Variants in SERTAD2 observed in about 807,000 individuals in gnomAD.
SERTAD2 encodes the protein SERTA domain containing 2.
Under a neutral mutation model 15.4 loss-of-function variants are expected in SERTAD2, and 2 were observed. The ratio of observed to expected loss-of-function variants is 0.13; its 90% CI spans 0.05 to 0.41. The LOEUF is 0.41. SERTAD2 is among the 10% of genes least tolerant of loss of function. The pLI is 0.99. For synonymous variants in SERTAD2, 180 were observed against 178.0 expected, an observed-to-expected ratio of 1.01 and a Z score of -0.09; for missense variants, 333 against 409.7, an observed-to-expected ratio of 0.81 and a Z score of 1.62.
rs186823657 is a variant in SERTAD2, at chr2:64,636,247, C to T, written c.625G>A (p.Asp209Asn). Residue 209 changes from aspartate to asparagine, a missense_variant, in exon 2 of 2, where the codon GAC becomes AAC. This residue lies in a region of SERTAD2 where 332 missense variants were observed against 392.9 expected (regional missense o/e 0.84). Coordinates refer to ENST00000313349, the MANE Select transcript of SERTAD2 (RefSeq NM_014755.3). ...TSSEAGTQKL[D>N]GPQESRADDS... Reference sequence around the variant, plus strand: ...TCTGCGCGGCTCTCTTGAGGACCGTCGAGTTTCTGGGTGCCAGCCTCGCTG... The same window carrying T: ...TCTGCGCGGCTCTCTTGAGGACCGTTGAGTTTCTGGGTGCCAGCCTCGCTG... 42 of 1,614,164 alleles carry T rather than the reference C, an allele frequency of 2.6e-5. No individual in the cohort carries two copies. The highest frequency in any genetic ancestry group is 2.5e-4 in the African/African-American group (19 of 75,044).
At chr2:64,648,247 G>A (rs918274677) in intron 1 of SERTAD2, among the ~76,000 whole-genome samples, 4 of 152,168 alleles carry the variant, frequency 2.6e-5, no homozygotes, top group African/African-American at 7.2e-5. Context: ...TACATGTTCC[G>A]AATGTTTAAT....
intron 1 of SERTAD2, chr2:64,646,735 T>G (rs1356262916): frequency 6.6e-6 from 1 of 152,220 alleles, no homozygotes; most frequent in Non-Finnish European, 1.5e-5. Context: ...AAAGGTTGTT[T>G]CTCTGTATAT....
In SERTAD2 at chr2:64,632,237, T is replaced by C. The variant is rs1196534777; in HGVS notation, c.*3690A>G. 1.4e-5 allele frequency: 2 copies of C among 144,876 alleles called. No homozygotes were observed. Among genetic ancestry groups the C allele is most frequent in the Non-Finnish European group, 3.0e-5 (2 of 66,604 alleles). 9.0% of individuals were successfully genotyped at this position (144,876 alleles called of 1,614,324 possible). Reference sequence around the variant, plus strand: ...ATAGAGTAGCAATTGCTGCACGAAGTAGAGTCTTTTTTTTTTTTTTTTTTA... The same window carrying C: ...ATAGAGTAGCAATTGCTGCACGAAGCAGAGTCTTTTTTTTTTTTTTTTTTA... On this transcript the variant is annotated 3_prime_UTR_variant, in exon 2 of 2. Coordinates refer to ENST00000313349, the MANE Select transcript of SERTAD2 (RefSeq NM_014755.3).
Position 64,631,700 on chromosome 2 carries a change from A to G in SERTAD2, c.*4227T>C, listed in dbSNP as rs1014716305. 6.6e-6 allele frequency: 1 copy of G among 152,624 alleles called. No individual in the cohort carries two copies. 9.5% of individuals were successfully genotyped at this position (152,624 alleles called of 1,614,324 possible). On this transcript the variant is annotated 3_prime_UTR_variant, in exon 2 of 2. Transcript: ENST00000313349. Reference sequence around the variant, plus strand: ...TTTCCATGTACATTTAATCTGTCCAATTGTTTAGATTACAGCCCAAACCTA... The same window carrying G: ...TTTCCATGTACATTTAATCTGTCCAGTTGTTTAGATTACAGCCCAAACCTA...
chr2:64,645,108 T>G (rs1037382904), intron 1 of SERTAD2: 1 of 150,996 alleles, frequency 6.6e-6, no homozygotes, highest in Non-Finnish European at 1.5e-5. Context: ...TCCATGCTAA[T>G]TGGTAAGTAA....
In SERTAD2 at chr2:64,636,287, A is replaced by C. The variant is rs1674655739; in HGVS notation, c.585T>G (p.Ser195Arg). Residue 195 changes from serine to arginine, a missense_variant, in exon 2 of 2, where the codon AGT (serine) becomes AGG (arginine). By Grantham distance (110) the Ser-to-Arg change is moderately radical. This residue lies in a region of SERTAD2 where 332 missense variants were observed against 392.9 expected (regional missense o/e 0.84). Coordinates refer to ENST00000313349, the MANE Select transcript of SERTAD2 (RefSeq NM_014755.3). ...STEAATAATD[S>R]VKGTSSEAGT... ...CAGCCTCGCTGGAGGTCCCTTTCAC[A>C]CTGTCAGTCGCAGCCGTGGCCGCCT... 4 of 1,614,016 alleles carry C rather than the reference A, an allele frequency of 2.5e-6. No homozygotes were observed. The highest frequency in any genetic ancestry group is 3.4e-6 in the Non-Finnish European group (4 of 1,180,012).
chr2:64,643,869 AAAAACAAAAC>A (rs139300641), intron 1 of SERTAD2, among the ~76,000 whole-genome samples: 3 of 150,800 alleles, frequency 2.0e-5, no homozygotes, highest in Admixed American at 6.6e-5. Context: ...CCGTCTCCAA[AAAAACAAAAC>A]AAAACAAAAC....
Position 64,635,702 on chromosome 2 carries a change from G to A in SERTAD2, c.*225C>T. 2.0e-6 allele frequency: 1 copy of A among 491,518 alleles called. No homozygotes were observed. The highest frequency in any genetic ancestry group is 3.6e-6 in the Non-Finnish European group (1 of 275,318). The allele number at this position is 491,518 out of a possible 1,614,324, so 30.4% of individuals were successfully genotyped here. A position where few individuals can be genotyped will look rare whatever the true frequency, so the allele number is the denominator to read the frequency against. On this transcript the variant is annotated 3_prime_UTR_variant, in exon 2 of 2. Coordinates refer to ENST00000313349, the MANE Select transcript of SERTAD2 (RefSeq NM_014755.3). The stretch of plus-strand genomic sequence containing the variant: ...TCAAATGGATTCTTTCCTATACCAG[G>A]GTAGTAGGTCTCTGAGGAACCACTC...
intron 1 of SERTAD2, among the ~76,000 whole-genome samples, chr2:64,649,107 C>A (rs1416732254): frequency 6.6e-6 from 1 of 152,236 alleles, no homozygotes; most frequent in Admixed American, 6.5e-5. Context: ...CAGTTTAAAG[C>A]AGCTGCCAGC....
chr2:64,648,961 T>C (rs1042912299), intron 1 of SERTAD2, among the ~76,000 whole-genome samples: 3 of 152,178 alleles, frequency 2.0e-5, no homozygotes, highest in East Asian at 1.9e-4. Context: ...CTCAGGCAGA[T>C]TGGTTTTCTC....
chr2:64,633,983 C>T lies in SERTAD2; in HGVS notation c.*1944G>A, dbSNP rs1371769154. 6.6e-6 allele frequency: 1 copy of T among 152,630 alleles called. No individual in the cohort carries two copies. The highest frequency in any genetic ancestry group is 1.5e-5 in the Non-Finnish European group (1 of 68,036). The allele number at this position is 152,630 out of a possible 1,614,324, so 9.5% of individuals were successfully genotyped here. On this transcript the variant is annotated 3_prime_UTR_variant, in exon 2 of 2. Transcript: ENST00000313349. ...ATGTGCATTACAAAAATAAAACTAA[C>T]TATGGCTTGCTTAAAGTGCCATTTT...
At position 64,636,630 on chromosome 2, in the gene SERTAD2, C is replaced by T; in HGVS notation, c.242G>A (p.Ser81Asn). 2 of 1,613,526 alleles carry T rather than the reference C, an allele frequency of 1.2e-6. No individual in the cohort carries two copies. Among genetic ancestry groups the T allele is most frequent in the Middle Eastern group, 1.7e-4 (1 of 6,058 alleles). ...RIQEELKQEG[S>N]LRPMFTPSSQ... ...GGAGGGGGTGAACATGGGCCTCAGG[C>T]TGCCTTCCTGTTTGAGTTCCTCCTG... Residue 81 changes from serine (S) to asparagine (N), a missense_variant, in exon 2 of 2, where the codon AGC becomes AAC. Transcript: ENST00000313349.
In SERTAD2 at chr2:64,632,545, T is replaced by C. The variant is rs7451; in HGVS notation, c.*3382A>G. ...TGAACAAGGGTGCCCATGTGGTTGC[T>C]CCTTCTGTCATCCAGAGAAAGTGCT... On this transcript the variant is annotated 3_prime_UTR_variant, in exon 2 of 2. Transcript: ENST00000313349. 0.87 allele frequency: 132,037 copies of C among 152,576 alleles called. 57,305 individuals carry two copies. Among genetic ancestry groups the C allele is most frequent in the East Asian group, 0.97 (5,026 of 5,188 alleles). 9.5% of individuals were successfully genotyped at this position (152,576 alleles called of 1,614,324 possible).
chr2:64,637,472 C>T (rs1212031037), intron 1 of SERTAD2, among the ~76,000 whole-genome samples: 1 of 152,194 alleles, frequency 6.6e-6, no homozygotes. Flanking sequence ...TGTGGTGAAG[C>T]ACTGCACCTG....
chr2:64,650,210 G>T (rs191047178), intron 1 of SERTAD2, among the ~76,000 whole-genome samples: 4 of 152,238 alleles, frequency 2.6e-5, no homozygotes, highest in Admixed American at 2.6e-4. Flanking sequence ...TCTATATGTG[G>T]TGCTTGTTCA....
In SERTAD2 at chr2:64,632,895, CTTCAAA is replaced by C. The variant is rs56349338; in HGVS notation, c.*3026_*3031del. ...TAACTTATGGGGGGAAAAAAACTCA[CTTCAAA>C]TTCAAAGCTCTTACGATTCTGCTCT... is the stretch of plus-strand genomic sequence containing the variant. On this transcript the variant is annotated 3_prime_UTR_variant, in exon 2 of 2. Transcript: ENST00000313349. 39,348 of 152,172 alleles carry C rather than the reference CTTCAAA, an allele frequency of 0.26. 5,737 individuals carry two copies. Among genetic ancestry groups the C allele is most frequent in the East Asian group, 0.34 (1,763 of 5,120 alleles). The allele number at this position is 152,172 out of a possible 1,614,324, so 9.4% of individuals were successfully genotyped here. A position where few individuals can be genotyped will look rare whatever the true frequency, so the allele number is the denominator to read the frequency against.
chr2:64,632,026 T>C lies in SERTAD2; in HGVS notation c.*3901A>G, dbSNP rs1379502488. 1 of 152,646 alleles carries C rather than the reference T, an allele frequency of 6.6e-6. No individual in the cohort carries two copies. The highest frequency in any genetic ancestry group is 1.5e-5 in the Non-Finnish European group (1 of 68,046). The allele number at this position is 152,646 out of a possible 1,614,324, so 9.5% of individuals were successfully genotyped here. A position where few individuals can be genotyped will look rare whatever the true frequency, so the allele number is the denominator to read the frequency against. ...TTCAAGAACCATTCAGACTCATTCT[T>C]AGAAACACTGAAAACAATTGTACAT... On this transcript the variant is annotated 3_prime_UTR_variant, in exon 2 of 2. Coordinates refer to ENST00000313349, the MANE Select transcript of SERTAD2 (RefSeq NM_014755.3).
At position 64,634,850 on chromosome 2, in the gene SERTAD2, A is replaced by G. The variant is rs759794729; in HGVS notation, c.*1077T>C. 7.9e-5 allele frequency: 12 copies of G among 152,626 alleles called. No homozygotes were observed. The highest frequency in any genetic ancestry group is 1.3e-4 in the Non-Finnish European group (9 of 68,050). The allele number at this position is 152,626 out of a possible 1,614,324, so 9.5% of individuals were successfully genotyped here. A position where few individuals can be genotyped will look rare whatever the true frequency, so the allele number is the denominator to read the frequency against. The stretch of plus-strand genomic sequence containing the variant: ...AAGATCTGGGTTTTCATTAAAAAAC[A>G]AAATAAAAACAATTAAAAGCGCAAA... On this transcript the variant is annotated 3_prime_UTR_variant, in exon 2 of 2. Coordinates refer to ENST00000313349, the MANE Select transcript of SERTAD2 (RefSeq NM_014755.3).
chr2:64,637,344 G>T (rs1558652132), intron 1 of SERTAD2, among the ~76,000 whole-genome samples: 1 of 152,196 alleles, frequency 6.6e-6, no homozygotes, highest in African/African-American at 2.4e-5. Flanking sequence ...CTTCTTAAAG[G>T]ATTAAAAGAA....
Sources: allele counts gnomAD v4.1 joint callset (sites outside exome capture counted in the v4.1 genomes callset), GRCh38; gene constraint gnomAD v4.1.1; regional missense constraint gnomAD v4.1.1; transcripts MANE v1.5; gene names NCBI Gene and HGNC (gene_info 2026-07-23, HGNC 2026-07-21).